CAPRIN2: variants seen among roughly 807,000 people sequenced by gnomAD.
CAPRIN2 encodes the protein caprin-2.
Under a neutral mutation model 130.4 loss-of-function variants are expected in CAPRIN2, and 66 were observed. The ratio of observed to expected loss-of-function variants is 0.51; its 90% CI spans 0.42 to 0.62. The LOEUF (loss-of-function observed/expected upper bound fraction) is 0.62. Ranked by LOEUF, CAPRIN2 falls within the 20% of genes least tolerant of loss-of-function variation. CAPRIN2 has a pLI of 0.00. For synonymous variants in CAPRIN2, 471 were observed against 444.1 expected (o/e 1.06, Z -0.76); for missense variants, 1,185 against 1,246.6 (o/e 0.95, Z 0.74).
At chr12:30,719,390 G>A (rs1418510752) in intron 12 of CAPRIN2, 165 bp from the exon 14 acceptor site, 2 of 712,324 alleles carry the variant, frequency 2.8e-6, no homozygotes, top group Non-Finnish European at 4.6e-6. Context: ...CTCAATTGCT[G>A]AGGATGCATA....
At chr12:30,719,308 G>T in intron 12 of CAPRIN2, 83 bp from the exon 14 acceptor site, 2 of 1,488,452 alleles carry the variant, frequency 1.3e-6, no homozygotes, top group Non-Finnish European at 1.8e-6. Context: ...ACTGGCATAA[G>T]TCAGCAAGTT....
At chr12:30,725,941 T>C in intron 9 of CAPRIN2, 25 bp downstream of exon 10, 1 of 1,530,022 alleles carries the variant, frequency 6.5e-7, no homozygotes, top group Non-Finnish European at 8.8e-7. Flanking sequence ...TGAATATCAT[T>C]TAAGATTTTG....
exon 1 of CAPRIN2, chr12:30,753,755 T>C: frequency 1.9e-6 from 3 of 1,605,512 alleles, no homozygotes; most frequent in Non-Finnish European, 2.6e-6. Flanking sequence ...GAGATACTTG[T>C]ACTTCCATCC....
intron 5 of CAPRIN2, among the ~76,000 whole-genome samples, chr12:30,732,980 G>C (rs917231432): frequency 3.3e-5 from 5 of 151,960 alleles, no homozygotes; most frequent in African/African-American, 9.7e-5. Flanking sequence ...ATTTAAGCTT[G>C]AACAAACTTA....
Position 30,723,330 on chromosome 12 carries a change from T to C in CAPRIN2, c.1988-16A>G, listed in dbSNP as rs375191805. 157 of 1,593,514 alleles carry C rather than the reference T, an allele frequency of 9.9e-5. No homozygotes were observed. The highest frequency in any genetic ancestry group is 1.4e-4 in the Non-Finnish European group (157 of 1,162,346). The stretch of plus-strand genomic sequence containing the variant: ...TCTTTAGATGCTGCAAGGAGTAAAA[T>C]AAACAGTAACTACTGAGGGAAGACA... On this transcript the variant is annotated splice_polypyrimidine_tract_variant and intron_variant, in intron 10 of 16. Transcript: ENST00000298892.
At chr12:30,733,943 A>G (rs16906758) in intron 4 of CAPRIN2, among the ~76,000 whole-genome samples, 1,561 of 152,328 alleles carry the variant, frequency 0.01, 36 homozygotes, top group East Asian at 0.093. Flanking sequence ...GGATTTTACC[A>G]AATAAACCCA....
chr12:30,716,790 G>T, intron 12 of CAPRIN2, 114 bp from the exon 15 acceptor site: 1 of 800,824 alleles, frequency 1.2e-6, no homozygotes, highest in Non-Finnish European at 2.0e-6. Flanking sequence ...CAAAGGACTT[G>T]AATAGACATC....
At chr12:30,750,410 ACT>A (rs2073150085) in intron 2 of CAPRIN2, among the ~76,000 whole-genome samples, 1 of 152,194 alleles carries the variant, frequency 6.6e-6, no homozygotes, top group African/African-American at 2.4e-5. Context: ...TCCACGAAGC[ACT>A]GTTTTCTTTC....
intron 9 of CAPRIN2, among the ~76,000 whole-genome samples, chr12:30,724,795 G>A (rs762571210): frequency 2.6e-5 from 4 of 151,838 alleles, no homozygotes; most frequent in East Asian, 1.9e-4. Flanking sequence ...GTTCGAGACC[G>A]GCATGGAAAA....
intron 14 of CAPRIN2, 99 bp downstream of exon 16, chr12:30,714,860 C>T (rs10843820): frequency 0.31 from 277,381 of 899,714 alleles, 43,873 homozygotes; most frequent in Middle Eastern, 0.35. Context: ...TACTACGTTG[C>T]AAATGACAAA....
exon 1 of CAPRIN2, chr12:30,753,773 A>G (rs767583077): frequency 7.5e-6 from 12 of 1,593,978 alleles, no homozygotes; most frequent in Non-Finnish European, 1.0e-5. Flanking sequence ...TCCTACTTTT[A>G]AAGTAATTAG....
chr12:30,748,263 T>G (rs952602757), intron 2 of CAPRIN2, among the ~76,000 whole-genome samples: 1 of 151,992 alleles, frequency 6.6e-6, no homozygotes, highest in East Asian at 1.9e-4. Flanking sequence ...TGAAAGAGAG[T>G]CCATCAACGT....
chr12:30,716,637 G>T lies in CAPRIN2; in HGVS notation c.2188C>A (p.Gln730Lys), dbSNP rs148110140. The T allele has an allele frequency of 1.8e-4, 296 of 1,613,732 alleles. 1 individual carries two copies. Among genetic ancestry groups the T allele is most frequent in the Middle Eastern group, 1.6e-4 (1 of 6,082 alleles). The change falls in exon 13 of 17, where the codon CAA (glutamine) becomes AAA (lysine). Residue 730 changes from glutamine (Q) to lysine (K), a missense_variant. Coordinates refer to ENST00000298892, the Ensembl canonical transcript of CAPRIN2. ...GAATAAGGGGATTCTTTTATTTCTT[G>T]TTCTTTTCGTGGAGGCAGAGGTGCA...
At chr12:30,717,609 A>C (rs956973211) in intron 12 of CAPRIN2, among the ~76,000 whole-genome samples, 1 of 152,176 alleles carries the variant, frequency 6.6e-6, no homozygotes, top group Non-Finnish European at 1.5e-5. Flanking sequence ...AAAAAAACAA[A>C]AAAACACTCC....
intron 2 of CAPRIN2, among the ~76,000 whole-genome samples, chr12:30,743,901 C>G: frequency 1.3e-5 from 2 of 152,258 alleles, no homozygotes; most frequent in South Asian, 4.1e-4. Context: ...ATATTTCTAT[C>G]GGCTAAACTT....
chr12:30,733,778 T>C lies in CAPRIN2; in HGVS notation c.810-67A>G. On this transcript the variant is annotated intron_variant, in intron 4 of 16. Coordinates refer to ENST00000298892, the Ensembl canonical transcript of CAPRIN2. ...GTACATATATATGGAGCAGCACAAT[T>C]TATGCAATATAACCCATTAACAGAC... 6.0e-6 allele frequency: 6 copies of C among 1,000,522 alleles called. No homozygotes were observed. In the South Asian group the frequency reaches 7.7e-5, roughly 13 times the overall value. The allele number at this position is 1,000,522 out of a possible 1,614,324, so 62.0% of individuals were successfully genotyped here.
chr12:30,753,196 T>C, intron 1 of CAPRIN2, 148 bp downstream of exon 2: 1 of 636,608 alleles, frequency 1.6e-6, no homozygotes, highest in Non-Finnish European at 2.7e-6. Flanking sequence ...TGTTTAATAT[T>C]TCCAACACGT....
intron 7 of CAPRIN2, 22 bp from the exon 9 acceptor site, chr12:30,729,347 T>C (rs765580060): frequency 6.6e-7 from 1 of 1,508,372 alleles, no homozygotes; most frequent in East Asian, 2.3e-5. Context: ...AACAATGCAC[T>C]TAAGTCACAA....
At chr12:30,739,042 C>T (rs1565665720) in intron 3 of CAPRIN2, among the ~76,000 whole-genome samples, 1 of 152,172 alleles carries the variant, frequency 6.6e-6, no homozygotes, top group Non-Finnish European at 1.5e-5. Context: ...ACCCAACAAT[C>T]CCATCACTGG....
Sources: gnomAD v4.1 joint callset for allele counts (sites outside exome capture counted in the v4.1 genomes callset) on GRCh38, gnomAD v4.1.1 for gene constraint, MANE v1.5 for transcripts, NCBI Gene and HGNC (gene_info 2026-07-23, HGNC 2026-07-21) for gene names.